SEMA5A: variants seen among roughly 807,000 people sequenced by gnomAD.
SEMA5A encodes semaphorin 5A.
SEMA5A carries 55 observed loss-of-function variants against 135.5 expected under a neutral mutation model. That is an observed-to-expected ratio of 0.41 (90% CI 0.33 to 0.51). The LOEUF (loss-of-function observed/expected upper bound fraction) is 0.51. Ranked by LOEUF, SEMA5A falls within the 20% of genes least tolerant of loss-of-function variation. The pLI is 0.37. For missense variants in SEMA5A, 1,290 were observed against 1,419.9 expected, an observed-to-expected ratio of 0.91 and a Z score of 1.47; for synonymous variants, 580 against 546.5, an observed-to-expected ratio of 1.06 and a Z score of -0.85.
At chr5:9,409,964 T>G (rs1757042436) in intron 2 of SEMA5A, among the ~76,000 whole-genome samples, 1 of 148,500 alleles carries the variant, frequency 6.7e-6, no homozygotes. Context: ...CCAGGCACAA[T>G]GGAACCCTGA....
intron 1 of SEMA5A, among the ~76,000 whole-genome samples, chr5:9,502,835 G>A (rs955127547): frequency 7.9e-5 from 12 of 152,276 alleles, no homozygotes; most frequent in African/African-American, 2.2e-4. Context: ...AGGACAGAGT[G>A]ACGGAGAAGG....
intron 5 of SEMA5A, among the ~76,000 whole-genome samples, chr5:9,257,457 T>TC (rs1749135789): frequency 6.6e-6 from 1 of 151,778 alleles, no homozygotes; most frequent in East Asian, 1.9e-4. Flanking sequence ...CTTTTTTTTT[T>TC]CCATTCTACA....
At chr5:9,154,423 C>T in intron 12 of SEMA5A, 65 bp downstream of exon 12, 1 of 1,522,868 alleles carries the variant, frequency 6.6e-7, no homozygotes, top group Non-Finnish European at 9.0e-7. Context: ...TGAAGCCTCC[C>T]TGGCTCTCTC....
intron 5 of SEMA5A, among the ~76,000 whole-genome samples, chr5:9,254,255 A>G (rs1189677385): frequency 1.3e-5 from 2 of 152,208 alleles, no homozygotes; most frequent in East Asian, 3.8e-4. Flanking sequence ...TAGTAAAGGC[A>G]AGAGAAAAAA....
At chr5:9,515,739 A>T (rs1188855151) in intron 1 of SEMA5A, among the ~76,000 whole-genome samples, 1 of 152,340 alleles carries the variant, frequency 6.6e-6, no homozygotes, top group Middle Eastern at 3.4e-3. Flanking sequence ...ACTGATAAGA[A>T]AAAGATGAAG....
At chr5:9,473,383 T>TAAA (rs58137756) in intron 1 of SEMA5A, among the ~76,000 whole-genome samples, 2,059 of 79,674 alleles carry the variant, frequency 0.026, 90 homozygotes, top group Middle Eastern at 0.067. Context: ...CAATCAGTGG[T>TAAA]AAAAAAAAAA....
Position 9,352,100 on chromosome 5 carries a change from G to GGGC in SEMA5A, c.125-14289_125-14288insGCC, listed in dbSNP as rs902549976. The stretch of plus-strand genomic sequence containing the variant: ...TCTAATGAATGTAACAGGTCGGGGG[G>GGGC]GTTACTTAAGAGTAGGGTATAAGTT... On this transcript the variant is annotated intron_variant, in intron 3 of 22. Coordinates refer to ENST00000382496, the MANE Select transcript of SEMA5A (RefSeq NM_003966.3). Among the ~76,000 whole-genome samples the GGGC allele has an allele frequency of 2.0e-5, 3 of 148,270 alleles. No homozygotes were observed. In the South Asian group the frequency reaches 6.7e-4, roughly 33 times the overall value.
intron 1 of SEMA5A, among the ~76,000 whole-genome samples, chr5:9,542,581 T>C (rs1316983640): frequency 6.6e-6 from 1 of 152,200 alleles, no homozygotes; most frequent in African/African-American, 2.4e-5. Context: ...ATTTAACACA[T>C]AAAAACTTGT....
At position 9,108,202 on chromosome 5, in the gene SEMA5A, C is replaced by T. The variant is rs1402715641; in HGVS notation, c.2011G>A (p.Gly671Ser). 6.8e-6 allele frequency: 11 copies of T among 1,614,034 alleles called. No homozygotes were observed. The highest frequency in any genetic ancestry group is 9.3e-6 in the Non-Finnish European group (11 of 1,180,032). Residue 671 changes from glycine to serine, a missense_variant, in exon 16 of 23, where the codon GGT becomes AGT. Physicochemically the swap from Gly to Ser is moderately conservative, Grantham distance 56 (BLOSUM62 0). This residue lies in a region of SEMA5A where 1,029 missense variants were observed against 1,086.6 expected (regional missense o/e 0.95). Transcript: ENST00000382496. ...PWERCTAQCG[G>S]GIQARRRICE... ...ATCCTGCGGCGAGCTTGAATGCCAC[C>T]CCCGCATTGGGCTGTGCACCGTTCC...
intron 11 of SEMA5A, among the ~76,000 whole-genome samples, chr5:9,166,701 T>C (rs1202318453): frequency 6.6e-6 from 1 of 152,180 alleles, no homozygotes; most frequent in Non-Finnish European, 1.5e-5. Context: ...CCAGCGCTTA[T>C]AGGAAATTTA....
chr5:9,475,004 C>T (rs35623831), intron 1 of SEMA5A, among the ~76,000 whole-genome samples: 3,253 of 152,318 alleles, frequency 0.021, 55 homozygotes, highest in Non-Finnish European at 0.032. Context: ...TGCAGTGGCA[C>T]GATCTCAGCT....
intron 5 of SEMA5A, among the ~76,000 whole-genome samples, chr5:9,298,027 T>C (rs1324368640): frequency 6.6e-6 from 1 of 152,144 alleles, no homozygotes; most frequent in Non-Finnish European, 1.5e-5. Context: ...TCATCAAAAA[T>C]TATACTAATG....
At chr5:9,266,652 A>C (rs1229586870) in intron 5 of SEMA5A, among the ~76,000 whole-genome samples, 1 of 152,212 alleles carries the variant, frequency 6.6e-6, no homozygotes, top group African/African-American at 2.4e-5. Context: ...AAATAATTAT[A>C]ACTATTCTCT....
chr5:9,217,708 T>A (rs1746712610), intron 8 of SEMA5A, among the ~76,000 whole-genome samples: 1 of 152,250 alleles, frequency 6.6e-6, no homozygotes, highest in African/African-American at 2.4e-5. Flanking sequence ...TTTATTCTTT[T>A]TTCTTTGACT....
chr5:9,368,899 T>C (rs1468006604), intron 3 of SEMA5A, among the ~76,000 whole-genome samples: 1 of 152,232 alleles, frequency 6.6e-6, no homozygotes, highest in Non-Finnish European at 1.5e-5. Flanking sequence ...ATGTTACTGT[T>C]GGGAAAATAC....
chr5:9,375,116 A>C (rs1286452008), intron 3 of SEMA5A, among the ~76,000 whole-genome samples: 1 of 151,978 alleles, frequency 6.6e-6, no homozygotes, highest in Non-Finnish European at 1.5e-5. Context: ...CTAGTCCCTA[A>C]CCTTTGATAT....
intron 5 of SEMA5A, among the ~76,000 whole-genome samples, chr5:9,258,751 A>G (rs1749222503): frequency 7.4e-6 from 1 of 134,970 alleles, no homozygotes; most frequent in Non-Finnish European, 1.6e-5. Flanking sequence ...AGCCTGTGAT[A>G]TTGTTAACTA....
rs78733353 is a variant in SEMA5A at position 9,118,140 on chromosome 5, C to T, written c.1925+858G>A. Among the ~76,000 whole-genome samples, 840 of 152,270 alleles carry T rather than the reference C, an allele frequency of 5.5e-3. 11 individuals carry two copies. The highest frequency in any genetic ancestry group is 0.017 in the African/African-American group (721 of 41,556). On this transcript the variant is annotated intron_variant, in intron 15 of 22. Transcript: ENST00000382496. Reference sequence around the variant, plus strand: ...TATTTTTATTCGAGGTTCCAGTGAGCTCATGTCATCAAATATAAACCTGCT... The same window carrying T: ...TATTTTTATTCGAGGTTCCAGTGAGTTCATGTCATCAAATATAAACCTGCT...
chr5:9,515,523 C>T (rs932482242), intron 1 of SEMA5A, among the ~76,000 whole-genome samples: 2 of 152,148 alleles, frequency 1.3e-5, no homozygotes, highest in African/African-American at 2.4e-5. Context: ...TGGCAAAGAA[C>T]TTGGGAGAAC....
Sources: gnomAD v4.1 joint callset for allele counts (sites outside exome capture counted in the v4.1 genomes callset) on GRCh38, gnomAD v4.1.1 for gene constraint, gnomAD v4.1.1 regional missense constraint, MANE v1.5 for transcripts, NCBI Gene and HGNC (gene_info 2026-07-23, HGNC 2026-07-21) for gene names.